Variants in JPH3 observed in about 807,000 individuals in gnomAD.
JPH3 encodes junctophilin 3.
A neutral mutation model predicts 59.6 loss-of-function variants in JPH3; 11 were observed. That is an observed-to-expected ratio of 0.18 (90% CI 0.12 to 0.31). The LOEUF (loss-of-function observed/expected upper bound fraction) is 0.31. JPH3 is among the 10% of genes least tolerant of loss of function. The pLI, the probability that JPH3 is intolerant of heterozygous loss-of-function variation, is 1.00. For synonymous variants in JPH3, 673 were observed against 483.6 expected (o/e 1.39, Z -5.14); for missense variants, 1,202 against 1,105.7 (o/e 1.09, Z -1.24).
chr16:87,696,117 C>A, intron 4 of JPH3: 1 of 458,088 alleles, frequency 2.2e-6, no homozygotes, highest in South Asian at 1.5e-5. Context: ...CCTCTGAGTT[C>A]CAGGGCCTCT....
At chr16:87,603,550 G>A in intron 1 of JPH3, 22 bp downstream of exon 1, 1 of 1,541,144 alleles carries the variant, frequency 6.5e-7, no homozygotes, top group Non-Finnish European at 8.7e-7. Flanking sequence ...GGGCCGGGCC[G>A]GGCCGGGGCG....
chr16:87,613,260 C>T (rs958429236), intron 1 of JPH3, among the ~76,000 whole-genome samples: 3 of 151,630 alleles, frequency 2.0e-5, no homozygotes, highest in African/African-American at 7.3e-5. Context: ...CCACGTCCGG[C>T]TAATTTTTTG....
intron 2 of JPH3, among the ~76,000 whole-genome samples, chr16:87,676,936 C>G (rs2033155183): frequency 6.6e-6 from 1 of 151,792 alleles, no homozygotes; most frequent in South Asian, 2.1e-4. Context: ...CTTGGGGAGG[C>G]TGAAGTGGGC....
intron 1 of JPH3, among the ~76,000 whole-genome samples, chr16:87,603,828 G>T (rs2030368155): frequency 6.6e-6 from 1 of 152,204 alleles, no homozygotes; most frequent in Non-Finnish European, 1.5e-5. Context: ...CTGCGGGAAG[G>T]GCCAGGCTGG....
chr16:87,684,467 CAT>C, intron 3 of JPH3: 1 of 745,324 alleles, frequency 1.3e-6, no homozygotes, highest in South Asian at 1.9e-5. Flanking sequence ...GGACACAGGA[CAT>C]GTGTCTTGGC....
At position 87,626,581 on chromosome 16, in the gene JPH3, G is replaced by A. The variant is rs564531288; in HGVS notation, c.383-17677G>A. On this transcript the variant is annotated intron_variant, in intron 1 of 4. Coordinates refer to ENST00000284262, the MANE Select transcript of JPH3 (RefSeq NM_020655.4). ...CATGCCCATGGGCCTGCCTGAGCCC[G>A]GTGCTCCAAGCCACACCCCGAGTGG... Among the ~76,000 whole-genome samples, 40 of 152,320 alleles carry A rather than the reference G, an allele frequency of 2.6e-4. No individual in the cohort carries two copies. The South Asian group carries it at 7.0e-3, about 27-fold the overall frequency.
chr16:87,686,263 G>A (rs942384178), intron 3 of JPH3, among the ~76,000 whole-genome samples: 3 of 151,842 alleles, frequency 2.0e-5, no homozygotes, highest in Non-Finnish European at 2.9e-5. Flanking sequence ...CTCTGGAGTC[G>A]GAGATGCTTC....
intron 1 of JPH3, among the ~76,000 whole-genome samples, chr16:87,640,131 A>G (rs761406069): frequency 1.4e-4 from 22 of 152,106 alleles, no homozygotes; most frequent in Admixed American, 7.2e-4. Context: ...GATTGAGACC[A>G]TCCTGGCCAA....
rs556314653 is a variant in JPH3, at chr16:87,671,920, A to G, written c.1161-12222A>G. Reference sequence around the variant, plus strand: ...GGAGATTGTTCATGCAGCAGCTTCTAAAACCAGTTTTTAGATAAATGCACC... The same window carrying G: ...GGAGATTGTTCATGCAGCAGCTTCTGAAACCAGTTTTTAGATAAATGCACC... On this transcript the variant is annotated intron_variant, in intron 2 of 4. Transcript: ENST00000284262. Among the ~76,000 whole-genome samples the G allele has an allele frequency of 3.9e-5, 6 of 152,352 alleles. No individual in the cohort carries two copies. In the East Asian group the frequency reaches 9.7e-4, roughly 25 times the overall value.
intron 1 of JPH3, among the ~76,000 whole-genome samples, chr16:87,642,270 G>T (rs1025329951): frequency 6.6e-6 from 1 of 152,006 alleles, no homozygotes; most frequent in African/African-American, 2.4e-5. Flanking sequence ...GGGGAGTGGA[G>T]GGCTGCTTCG....
chr16:87,652,546 C>T (rs1044274130), intron 2 of JPH3, among the ~76,000 whole-genome samples: 8 of 152,272 alleles, frequency 5.3e-5, no homozygotes, highest in East Asian at 3.8e-4. Context: ...TCACTGCAAC[C>T]TTCACGTCCC....
intron 1 of JPH3, among the ~76,000 whole-genome samples, chr16:87,638,358 G>T (rs566580067): frequency 3.7e-4 from 57 of 152,190 alleles, no homozygotes; most frequent in Non-Finnish European, 6.6e-4. Flanking sequence ...GAACAGACAC[G>T]TTCACTGGAC....
intron 2 of JPH3, among the ~76,000 whole-genome samples, chr16:87,668,282 T>G (rs1567607412): frequency 6.6e-6 from 1 of 152,146 alleles, no homozygotes; most frequent in Non-Finnish European, 1.5e-5. Flanking sequence ...TGCTGTCTCT[T>G]GTTTTTCGTG....
chr16:87,613,651 C>T (rs945456811), intron 1 of JPH3, among the ~76,000 whole-genome samples: 1 of 152,092 alleles, frequency 6.6e-6, no homozygotes, highest in African/African-American at 2.4e-5. Context: ...TATTTTTGAT[C>T]TGCAGTTGGT....
Position 87,642,484 on chromosome 16 carries a change from A to T in JPH3, c.383-1774A>T, listed in dbSNP as rs7202556. Among the ~76,000 whole-genome samples the T allele has an allele frequency of 5.2e-3, 795 of 152,338 alleles. 7 individuals are homozygous for T. Among genetic ancestry groups the T allele is most frequent in the African/African-American group, 0.018 (753 of 41,568 alleles). ...CTTGGTTTTGAGTTGTTAGCAGGTAATTCCAATGTTTTATGAAAACAGCGG... is the reference window on the plus strand; with the variant it reads ...CTTGGTTTTGAGTTGTTAGCAGGTATTTCCAATGTTTTATGAAAACAGCGG... On this transcript the variant is annotated intron_variant, in intron 1 of 4. Coordinates refer to ENST00000284262, the MANE Select transcript of JPH3 (RefSeq NM_020655.4).
chr16:87,642,848 T>TG (rs558784572), intron 1 of JPH3, among the ~76,000 whole-genome samples: 102 of 152,366 alleles, frequency 6.7e-4, no homozygotes, highest in African/African-American at 2.1e-3. Flanking sequence ...GAGCAAGACA[T>TG]GGGCCCAGGT....
chr16:87,630,442 C>T (rs527752807), intron 1 of JPH3, among the ~76,000 whole-genome samples: 1 of 152,338 alleles, frequency 6.6e-6, no homozygotes, highest in Non-Finnish European at 1.5e-5. Flanking sequence ...CATTCCCCAG[C>T]CAGTCCTCCC....
intron 2 of JPH3, among the ~76,000 whole-genome samples, chr16:87,664,564 G>A (rs2032804219): frequency 6.6e-6 from 1 of 152,160 alleles, no homozygotes; most frequent in African/African-American, 2.4e-5. Flanking sequence ...GGCGGAGGTT[G>A]CAGTGAGCCG....
chr16:87,622,073 C>T (rs534309702), intron 1 of JPH3, among the ~76,000 whole-genome samples: 350 of 151,088 alleles, frequency 2.3e-3, no homozygotes, highest in Non-Finnish European at 2.8e-3. Flanking sequence ...AGAAGAACGA[C>T]GCAGCCTGGC....
Sources: gnomAD v4.1 joint callset for allele counts (sites outside exome capture counted in the v4.1 genomes callset) on GRCh38, gnomAD v4.1.1 for gene constraint, MANE v1.5 for transcripts, NCBI Gene and HGNC (gene_info 2026-07-23, HGNC 2026-07-21) for gene names.